The following EPHA3 variants were observed in gnomAD, a reference collection of about 807,000 sequenced individuals.
EPHA3 encodes the protein ephrin type-A receptor 3.
EPHA3 carries 42 observed loss-of-function variants against 107.1 expected under a neutral mutation model. The ratio of observed to expected loss-of-function variants is 0.39; its 90% CI spans 0.31 to 0.51. The LOEUF (loss-of-function observed/expected upper bound fraction) is 0.51. Ranked by LOEUF, EPHA3 falls within the 20% of genes least tolerant of loss-of-function variation. The pLI is 0.78. For missense variants in EPHA3, 1,183 were observed against 1,211.2 expected, an observed-to-expected ratio of 0.98 and a Z score of 0.35; for synonymous variants, 461 against 424.8, an observed-to-expected ratio of 1.09 and a Z score of -1.05.
At chr3:89,435,262 T>G (rs925873208) in intron 13 of EPHA3, among the ~76,000 whole-genome samples, 1 of 151,584 alleles carries the variant, frequency 6.6e-6, no homozygotes, top group African/African-American at 2.4e-5. Flanking sequence ...CAAACATTTT[T>G]AAGCAGGTAG....
At chr3:89,383,643 T>C (rs1229043205) in intron 5 of EPHA3, among the ~76,000 whole-genome samples, 243 of 130,450 alleles carry the variant, frequency 1.9e-3, no homozygotes, top group African/African-American at 6.9e-3. Context: ...CTTCTTCTTT[T>C]TTTTTTTTTT....
At chr3:89,286,996 T>C (rs913325622) in intron 3 of EPHA3, among the ~76,000 whole-genome samples, 2 of 152,194 alleles carry the variant, frequency 1.3e-5, no homozygotes, top group Non-Finnish European at 2.9e-5. Context: ...CACTGGAATG[T>C]AAGCTTTATG....
At chr3:89,413,418 T>C in intron 10 of EPHA3, 152 bp downstream of exon 10, 1 of 1,013,518 alleles carries the variant, frequency 9.9e-7, no homozygotes, top group Non-Finnish European at 1.5e-6. Context: ...TAATGGAATG[T>C]AATGAGTTCA....
intron 13 of EPHA3, among the ~76,000 whole-genome samples, chr3:89,441,025 T>C (rs1709771887): frequency 6.6e-6 from 1 of 152,170 alleles, no homozygotes; most frequent in Admixed American, 6.5e-5. Context: ...TAAAACTGAA[T>C]GTAAAGTCAA....
intron 2 of EPHA3, among the ~76,000 whole-genome samples, chr3:89,155,783 C>G (rs920026013): frequency 1.6e-4 from 24 of 151,944 alleles, no homozygotes; most frequent in African/African-American, 5.3e-4. Context: ...AAAATATGGT[C>G]TTAGTGATTT....
chr3:89,430,327 T>C (rs1490043910), intron 12 of EPHA3, among the ~76,000 whole-genome samples: 1 of 152,166 alleles, frequency 6.6e-6, no homozygotes, highest in Admixed American at 6.6e-5. Flanking sequence ...AGGAAAATTT[T>C]AAATTTTCTA....
chr3:89,335,415 G>T (rs1480004492), intron 3 of EPHA3, among the ~76,000 whole-genome samples: 7 of 151,974 alleles, frequency 4.6e-5, no homozygotes, highest in Non-Finnish European at 4.4e-5. Context: ...CCAACATATT[G>T]TTCATTAGAT....
At chr3:89,429,695 CATCTATCTATCTATCTATCTATCT>C (rs55794052) in intron 12 of EPHA3, among the ~76,000 whole-genome samples, 4 of 149,130 alleles carry the variant, frequency 2.7e-5, no homozygotes, top group Admixed American at 6.7e-5. Flanking sequence ...GTTTATCTAT[CATCTATCTATCTATCTATCTATCT>C]ATCTATCTAT....
intron 7 of EPHA3, chr3:89,399,855 C>T: frequency 2.8e-6 from 3 of 1,081,074 alleles, no homozygotes; most frequent in Non-Finnish European, 3.4e-6. Flanking sequence ...AAGAAACTTG[C>T]TGATCCATGA....
At chr3:89,372,311 AAAGACTTT>A (rs1708322966) in intron 5 of EPHA3, among the ~76,000 whole-genome samples, 1 of 151,658 alleles carries the variant, frequency 6.6e-6, no homozygotes, top group Non-Finnish European at 1.5e-5. Flanking sequence ...TTTAAGGCTT[AAAGACTTT>A]ATAGTGTGAT....
chr3:89,324,764 T>A (rs1707128473), intron 3 of EPHA3, among the ~76,000 whole-genome samples: 1 of 152,144 alleles, frequency 6.6e-6, no homozygotes, highest in Non-Finnish European at 1.5e-5. Context: ...ATGGCTATAT[T>A]GTGTGATGCT....
intron 9 of EPHA3, among the ~76,000 whole-genome samples, chr3:89,408,341 G>A (rs1192295941): frequency 6.6e-6 from 1 of 152,120 alleles, no homozygotes; most frequent in Non-Finnish European, 1.5e-5. Flanking sequence ...GCATACTTAA[G>A]CTAAAATAAA....
chr3:89,461,203 C>T (rs1378295044), intron 15 of EPHA3, among the ~76,000 whole-genome samples: 7 of 106,050 alleles, frequency 6.6e-5, no homozygotes, highest in African/African-American at 3.2e-4. Context: ...ATATGTGCCA[C>T]ATTTTCTTAA....
At position 89,234,878 on chromosome 3, in the gene EPHA3, C is replaced by T. The variant is rs1222518554; in HGVS notation, c.814+24358C>T. On this transcript the variant is annotated intron_variant, in intron 3 of 16. Transcript: ENST00000336596. ...CCTCCCTTCTTTCCTTCTCTTCCTT[C>T]CTGCCTTCCTCCCTTCTTTCCTTCT... 4.2e-5 allele frequency among the ~76,000 whole-genome samples: 6 copies of T among 141,602 alleles called. No individual in the cohort carries two copies. In the East Asian group the frequency reaches 1.3e-3, roughly 30 times the overall value. 92.9% of individuals were successfully genotyped at this position (141,602 alleles called of 152,430 possible).
chr3:89,165,594 T>G (rs1328674951), intron 2 of EPHA3, among the ~76,000 whole-genome samples: 1 of 152,192 alleles, frequency 6.6e-6, no homozygotes, highest in Non-Finnish European at 1.5e-5. Flanking sequence ...AATGCAAGTC[T>G]TATGTTAATT....
intron 13 of EPHA3, among the ~76,000 whole-genome samples, chr3:89,446,810 T>C (rs1709885686): frequency 1.3e-5 from 2 of 152,162 alleles, no homozygotes; most frequent in South Asian, 4.1e-4. Context: ...TCAGTAATAC[T>C]GAAAGTATAC....
At chr3:89,411,955 C>A (rs938928190) in intron 9 of EPHA3, among the ~76,000 whole-genome samples, 12 of 151,800 alleles carry the variant, frequency 7.9e-5, no homozygotes, top group African/African-American at 2.9e-4. Flanking sequence ...AAATATATTT[C>A]ACTATTAAGT....
At chr3:89,300,840 C>T (rs1305724104) in intron 3 of EPHA3, among the ~76,000 whole-genome samples, 1 of 152,068 alleles carries the variant, frequency 6.6e-6, no homozygotes, top group South Asian at 2.1e-4. Context: ...CCTGTTTCTC[C>T]TTACCATACA....
intron 2 of EPHA3, among the ~76,000 whole-genome samples, chr3:89,196,311 C>T (rs1250970463): frequency 6.6e-6 from 1 of 152,162 alleles, no homozygotes; most frequent in East Asian, 1.9e-4. Context: ...TCTCTGGCTT[C>T]CGTCATTGCT....
Sources: gnomAD v4.1 joint callset for allele counts (sites outside exome capture counted in the v4.1 genomes callset) on GRCh38, gnomAD v4.1.1 for gene constraint, MANE v1.5 for transcripts, NCBI Gene and HGNC (gene_info 2026-07-23, HGNC 2026-07-21) for gene names.